The following RAB37 variants were observed in gnomAD, a reference collection of about 807,000 sequenced individuals.
The protein encoded by RAB37 is ras-related protein Rab-37.
In RAB37, 29 loss-of-function variants were observed where a neutral mutation model predicts 33.1. The ratio of observed to expected loss-of-function variants is 0.88; its 90% CI spans 0.65 to 1.20. The LOEUF is 1.20. Among genes scored for constraint, RAB37 ranks in the 50% most tolerant of loss-of-function variants. RAB37 has a pLI of 0.00. For missense variants in RAB37, 299 were observed against 301.1 expected (o/e 0.99, Z 0.05); for synonymous variants, 128 against 119.5 (o/e 1.07, Z -0.47).
Position 74,743,279 on chromosome 17 carries a change from C to A in RAB37, c.314-9C>A, listed in dbSNP as rs760402458. The A allele has an allele frequency of 1.2e-6, 2 of 1,614,118 alleles. No homozygotes were observed. The highest frequency in any genetic ancestry group is 1.7e-6 in the Non-Finnish European group (2 of 1,180,008). ...GCCTAAGTCCCCTCTGTGATCCTCT[C>A]CCCTCCAGCCTTGCTTCTGCTGTAT... is the stretch of plus-strand genomic sequence containing the variant. On this transcript the variant is annotated splice_polypyrimidine_tract_variant and intron_variant, in intron 4 of 8. Coordinates refer to ENST00000392613, the MANE Select transcript of RAB37 (RefSeq NM_001006638.3).
chr17:74,742,897 TTACAGG>T lies in RAB37; in HGVS notation c.247-230_247-225del, dbSNP rs2034654879. ...GCCTCGGCCTCCCAAAGTGCTGGGA[TTACAGG>T]TGTAAGCCACCGCGCTCGGCTGAGG... On this transcript the variant is annotated intron_variant, in intron 3 of 8. Transcript: ENST00000392613. This position sits in a 1 kb window ranked among gnomAD's most constrained non-coding sequence, Gnocchi z 4.0. 6.6e-6 allele frequency among the ~76,000 whole-genome samples: 1 copy of T among 152,116 alleles called. No homozygotes were observed. Among genetic ancestry groups the T allele is most frequent in the African/African-American group, 2.4e-5 (1 of 41,410 alleles).
chr17:74,739,179 G>C (rs1310564214), intron 1 of RAB37, among the ~76,000 whole-genome samples: 1 of 152,164 alleles, frequency 6.6e-6, no homozygotes, highest in African/African-American at 2.4e-5. Flanking sequence ...TTCAAACCTA[G>C]TCCCTGCTTA....
chr17:74,677,186 A>G (rs555214094), intron 1 of RAB37, among the ~76,000 whole-genome samples: 2 of 152,146 alleles, frequency 1.3e-5, no homozygotes, highest in Non-Finnish European at 2.9e-5. Flanking sequence ...ATAAAAAATA[A>G]AGTTAACATC....
intron 1 of RAB37, among the ~76,000 whole-genome samples, chr17:74,685,581 T>C (rs1057432292): frequency 1.3e-5 from 2 of 152,144 alleles, no homozygotes; most frequent in African/African-American, 4.8e-5. Context: ...CTGAGAGACA[T>C]TCAGTGGTTG....
intron 1 of RAB37, 135 bp from the exon 2 acceptor site, chr17:74,740,633 G>A: frequency 2.9e-6 from 2 of 700,500 alleles, no homozygotes; most frequent in Non-Finnish European, 5.1e-6. Flanking sequence ...CTGGCTTTCT[G>A]GAAGCAGGTG....
At chr17:74,708,476 T>C (rs559360908) in intron 1 of RAB37, among the ~76,000 whole-genome samples, 59 of 152,280 alleles carry the variant, frequency 3.9e-4, no homozygotes, top group Admixed American at 7.2e-4. Context: ...CAAGAAAGTA[T>C]TGTAGGCAAA....
At chr17:74,695,527 T>C (rs968413705) in intron 1 of RAB37, among the ~76,000 whole-genome samples, 1 of 152,174 alleles carries the variant, frequency 6.6e-6, no homozygotes, top group African/African-American at 2.4e-5. Context: ...GGGACTGTGT[T>C]TGCCAGTCCC....
At chr17:74,731,963 T>C (rs576610935) in intron 2 of RAB37, among the ~76,000 whole-genome samples, 1 of 151,396 alleles carries the variant, frequency 6.6e-6, no homozygotes, top group African/African-American at 2.4e-5. Context: ...CGAGCCAATA[T>C]CATGCCATTG....
At chr17:74,682,505 A>G (rs2031974777) in intron 1 of RAB37, among the ~76,000 whole-genome samples, 1 of 152,160 alleles carries the variant, frequency 6.6e-6, no homozygotes, top group Admixed American at 6.5e-5. Flanking sequence ...CCACCCCTGA[A>G]CCAATACTAT....
intron 1 of RAB37, among the ~76,000 whole-genome samples, chr17:74,687,662 A>T (rs958467085): frequency 6.6e-6 from 1 of 152,124 alleles, no homozygotes; most frequent in African/African-American, 2.4e-5. Flanking sequence ...CCCTTTCACA[A>T]CTACTGGAGA....
rs376013655 is a variant in RAB37 at position 74,737,283 on chromosome 17, C to A, written c.11C>A (p.Thr4Lys). ...CTCTCGTCCAGGGACATGACGGGCACGCCAGGCGCCGTTGCCACCCGGGAT... is the reference window on the plus strand; with the variant it reads ...CTCTCGTCCAGGGACATGACGGGCAAGCCAGGCGCCGTTGCCACCCGGGAT... MTGTPGAVATRDGE... is the reference protein window; with the variant it reads MTGKPGAVATRDGE... The change falls in exon 1 of 9, where the codon ACG becomes AAG. Residue 4 changes from threonine (T) to lysine (K), a missense_variant. Thr to Lys is a moderately conservative substitution (Grantham distance 78). Coordinates refer to ENST00000392613, the MANE Select transcript of RAB37 (RefSeq NM_001006638.3). The A allele has an allele frequency of 1.9e-6, 3 of 1,567,444 alleles. No individual in the cohort carries two copies. The highest frequency in any genetic ancestry group is 2.6e-6 in the Non-Finnish European group (3 of 1,163,542).
chr17:74,744,247 C>A lies in RAB37; in HGVS notation c.367-61C>A. 4 of 1,495,878 alleles carry A rather than the reference C, an allele frequency of 2.7e-6. No homozygotes were observed. Among genetic ancestry groups the A allele is most frequent in the Non-Finnish European group, 3.7e-6 (4 of 1,083,432 alleles). 92.7% of individuals were successfully genotyped at this position (1,495,878 alleles called of 1,614,324 possible). A position where few individuals can be genotyped will look rare whatever the true frequency, so the allele number is the denominator to read the frequency against. On this transcript the variant is annotated intron_variant, in intron 5 of 8. Transcript: ENST00000392613. The surrounding 1 kb of genome is among the most constrained non-coding windows in gnomAD (Gnocchi z 4.2). ...AGTAACTGAGGATAGTCAAACGGAG[C>A]AGAAGAAGAAAGGGGCAGCAGGAGG...
Position 74,742,154 on chromosome 17 carries a change from C to A in RAB37, c.205-100C>A. 1.4e-6 allele frequency: 2 copies of A among 1,448,410 alleles called. No individual in the cohort carries two copies. Among genetic ancestry groups the A allele is most frequent in the Non-Finnish European group, 1.9e-6 (2 of 1,058,832 alleles). The allele number at this position is 1,448,410 out of a possible 1,614,324, so 89.7% of individuals were successfully genotyped here. On this transcript the variant is annotated intron_variant, in intron 2 of 8. Coordinates refer to ENST00000392613, the MANE Select transcript of RAB37 (RefSeq NM_001006638.3). The surrounding 1 kb of genome is among the most constrained non-coding windows in gnomAD (Gnocchi z 4.0). ...CTGGAGACGGTTCTGGGGCTCACTG[C>A]ACCCACTCTAGGCCTGGAGAGGGAA...
At chr17:74,695,225 G>C in intron 1 of RAB37, 1 of 1,614,132 alleles carries the variant, frequency 6.2e-7, no homozygotes, top group Non-Finnish European at 8.5e-7. Context: ...GAGATGCATA[G>C]GAAATGTCCT....
At chr17:74,732,401 G>C (rs929766847), upstream of RAB37, among the ~76,000 whole-genome samples, 1 of 150,946 alleles carries the variant, frequency 6.6e-6, no homozygotes, top group Non-Finnish European at 1.5e-5. Flanking sequence ...CTGTTCCCCA[G>C]CTCTGAAGTT....
At chr17:74,684,333 T>G (rs994735215) in intron 1 of RAB37, among the ~76,000 whole-genome samples, 19 of 150,812 alleles carry the variant, frequency 1.3e-4, no homozygotes, top group Admixed American at 2.6e-4. Context: ...CCTCAAGTGA[T>G]CCACCTGCCT....
rs999513580 is a variant in RAB37, at chr17:74,738,990, A to G, written c.93+1625A>G. Reference sequence around the variant, plus strand: ...CCACTATGGAAACCATGCCACAGAAAGGTTAAGGAATCTTCCTAAAGTCAC... The same window carrying G: ...CCACTATGGAAACCATGCCACAGAAGGGTTAAGGAATCTTCCTAAAGTCAC... On this transcript the variant is annotated intron_variant, in intron 1 of 8. Coordinates refer to ENST00000392613, the MANE Select transcript of RAB37 (RefSeq NM_001006638.3). This position sits in a 1 kb window ranked among gnomAD's most constrained non-coding sequence, Gnocchi z 5.0. 6.6e-6 allele frequency among the ~76,000 whole-genome samples: 1 copy of G among 152,210 alleles called. No individual in the cohort carries two copies. Among genetic ancestry groups the G allele is most frequent in the African/African-American group, 2.4e-5 (1 of 41,452 alleles).
In RAB37 at chr17:74,729,430, A is replaced by C; in HGVS notation, c.183+64A>C. The C allele has an allele frequency of 9.0e-7, 1 of 1,114,348 alleles. No homozygotes were observed. Among genetic ancestry groups the C allele is most frequent in the Non-Finnish European group, 1.4e-6 (1 of 723,834 alleles). The allele number at this position is 1,114,348 out of a possible 1,614,324, so 69.0% of individuals were successfully genotyped here. The stretch of plus-strand genomic sequence containing the variant: ...TCAGGACCCCAGCGTGTTTCTGTTG[A>C]GTGCCAGCAGGAAACAGGTGGACAC... On this transcript the variant is annotated intron_variant, in intron 2 of 7. Coordinates refer to the RAB37 transcript ENST00000340415. The surrounding 1 kb of genome is among the most constrained non-coding windows in gnomAD (Gnocchi z 4.2).
At chr17:74,737,682 C>T (rs1361526885) in intron 1 of RAB37, among the ~76,000 whole-genome samples, 2 of 152,184 alleles carry the variant, frequency 1.3e-5, no homozygotes, top group African/African-American at 2.4e-5. Flanking sequence ...GCGCAACTCT[C>T]GGGGCTCAGG....
Sources: allele counts gnomAD v4.1 joint callset (sites outside exome capture counted in the v4.1 genomes callset), GRCh38; gene constraint gnomAD v4.1.1; non-coding constraint Gnocchi (gnomAD v3.1); transcripts MANE v1.5; gene names NCBI Gene and HGNC (gene_info 2026-07-23, HGNC 2026-07-21).